The following THADA variants were observed in gnomAD, a reference collection of about 807,000 sequenced individuals.
THADA encodes THADA armadillo repeat containing, also known as tRNA (32-2'-O)-methyltransferase regulator THADA.
A neutral mutation model predicts 219.8 loss-of-function variants in THADA; 213 were observed. The ratio of observed to expected loss-of-function variants is 0.97; its 90% CI spans 0.87 to 1.09. The LOEUF (loss-of-function observed/expected upper bound fraction) is 1.09. Among genes scored for constraint, THADA ranks in the 50% least tolerant of loss-of-function variants. The pLI is 0.00. For missense variants in THADA, 2,956 were observed against 2,311.3 expected (o/e 1.28, Z -5.72); for synonymous variants, 1,018 against 828.9 (o/e 1.23, Z -3.92).
chr2:43,238,814 G>C (rs1407893553), intron 36 of THADA, among the ~76,000 whole-genome samples: 1 of 152,186 alleles, frequency 6.6e-6, no homozygotes, highest in East Asian at 1.9e-4. Flanking sequence ...AGGTCTAGGT[G>C]GGAAGGTAAG....
intron 26 of THADA, among the ~76,000 whole-genome samples, chr2:43,478,007 C>T (rs939290010): frequency 1.3e-5 from 2 of 152,188 alleles, no homozygotes; most frequent in African/African-American, 4.8e-5. Context: ...GCCTCATCCT[C>T]CTCTGACCTC....
chr2:43,586,917 C>A lies in THADA; in HGVS notation c.388G>T (p.Asp130Tyr). The change falls in exon 5 of 38, where the codon GAC becomes TAC. Residue 130 changes from aspartate to tyrosine, a missense_variant. Coordinates refer to ENST00000405975, the MANE Select transcript of THADA (RefSeq NM_022065.5). ...GTAACTTTCCTGTAAGAGTATAAGT[C>A]AGTAGTATTCAATTCTTCCTGAAGA... The part of the protein sequence containing the change: ...SRLQEELNTT[D>Y]LYSYRKVTDN... 6.2e-7 allele frequency: 1 copy of A among 1,613,734 alleles called. No homozygotes were observed.
chr2:43,491,512 T>C (rs556845302), intron 25 of THADA, among the ~76,000 whole-genome samples: 21 of 152,346 alleles, frequency 1.4e-4, no homozygotes, highest in African/African-American at 4.8e-4. Context: ...TATGTAATGA[T>C]AGTCCCATAC....
chr2:43,253,212 A>G (rs1669979167), intron 36 of THADA, among the ~76,000 whole-genome samples: 1 of 152,170 alleles, frequency 6.6e-6, no homozygotes, highest in South Asian at 2.1e-4. Context: ...AGAGAAGGAG[A>G]ACCTGAAGAC....
At chr2:43,343,313 G>C (rs1667257739) in intron 30 of THADA, 1 of 152,280 alleles carries the variant, frequency 6.6e-6, no homozygotes, top group Non-Finnish European at 1.5e-5. Context: ...TGGGATTACA[G>C]ACATGAACCA....
chr2:43,589,938 T>C (rs1276726846), intron 4 of THADA, among the ~76,000 whole-genome samples: 1 of 152,162 alleles, frequency 6.6e-6, no homozygotes, highest in Non-Finnish European at 1.5e-5. Context: ...TGGAAATATC[T>C]CTAAGACATT....
intron 31 of THADA, among the ~76,000 whole-genome samples, chr2:43,318,385 T>A (rs1678314046): frequency 6.6e-6 from 1 of 152,144 alleles, no homozygotes; most frequent in Admixed American, 6.6e-5. Context: ...TAAAATTAAT[T>A]TTGATAATAC....
chr2:43,592,505 G>T, intron 1 of THADA, 89 bp from the exon 2 acceptor site: 2 of 734,248 alleles, frequency 2.7e-6, no homozygotes, highest in South Asian at 3.5e-5. Flanking sequence ...TTGTTGAACA[G>T]TATCATCCTA....
chr2:43,474,180 A>C (rs1685241339), intron 26 of THADA, among the ~76,000 whole-genome samples: 2 of 152,252 alleles, frequency 1.3e-5, no homozygotes, highest in Non-Finnish European at 2.9e-5. Context: ...TCATATGGAT[A>C]GAGCAAAAGA....
At chr2:43,543,982 T>C (rs1235960452) in intron 20 of THADA, among the ~76,000 whole-genome samples, 1 of 152,186 alleles carries the variant, frequency 6.6e-6, no homozygotes, top group Non-Finnish European at 1.5e-5. Flanking sequence ...CTAGGTTTTC[T>C]TCTAGGGTTT....
intron 28 of THADA, among the ~76,000 whole-genome samples, chr2:43,424,778 G>A (rs576021244): frequency 2.1e-4 from 32 of 152,244 alleles, no homozygotes; most frequent in African/African-American, 7.7e-4. Context: ...ACCACAGAAG[G>A]TGGCCAAGAA....
At chr2:43,547,512 A>G (rs1412912881) in intron 20 of THADA, among the ~76,000 whole-genome samples, 4 of 152,130 alleles carry the variant, frequency 2.6e-5, no homozygotes, top group African/African-American at 4.8e-5. Flanking sequence ...CCAATCAGAC[A>G]TAGATTTGGT....
At chr2:43,383,648 A>G (rs1391925640) in intron 29 of THADA, among the ~76,000 whole-genome samples, 1 of 152,210 alleles carries the variant, frequency 6.6e-6, no homozygotes, top group Non-Finnish European at 1.5e-5. Flanking sequence ...GCAGATTCTA[A>G]TTCAAGAGGG....
chr2:43,358,747 G>C (rs895933220), intron 29 of THADA, among the ~76,000 whole-genome samples: 1 of 152,138 alleles, frequency 6.6e-6, no homozygotes, highest in African/African-American at 2.4e-5. Flanking sequence ...AAACCTGAGT[G>C]GGCCTGAGAC....
chr2:43,506,458 G>T (rs190480983), intron 23 of THADA, among the ~76,000 whole-genome samples: 20 of 152,250 alleles, frequency 1.3e-4, no homozygotes, highest in Middle Eastern at 3.4e-3. Flanking sequence ...TACGATAAGT[G>T]AAAGAAGCCA....
At chr2:43,533,032 A>G (rs1694089247) in intron 21 of THADA, among the ~76,000 whole-genome samples, 3 of 152,172 alleles carry the variant, frequency 2.0e-5, no homozygotes. Flanking sequence ...GGAACATAAA[A>G]AAATTTACAA....
At chr2:43,339,767 G>A (rs537993305) in intron 30 of THADA, among the ~76,000 whole-genome samples, 7 of 152,096 alleles carry the variant, frequency 4.6e-5, no homozygotes, top group African/African-American at 7.2e-5. Context: ...GTAAATAAGC[G>A]ATCTAGCTGG....
intron 35 of THADA, among the ~76,000 whole-genome samples, 192 bp from the exon 36 acceptor site, chr2:43,280,088 T>A (rs954578916): frequency 6.6e-6 from 1 of 152,204 alleles, no homozygotes; most frequent in Admixed American, 6.5e-5. Context: ...GGAGCAGATT[T>A]GGAAATGCCT....
intron 8 of THADA, among the ~76,000 whole-genome samples, chr2:43,580,100 C>G (rs371042808): frequency 3.4e-5 from 5 of 147,186 alleles, no homozygotes; most frequent in Middle Eastern, 3.6e-3. Context: ...TCTTGGCTCA[C>G]TGCAACCTCT....
Sources: gnomAD v4.1 joint callset for allele counts (sites outside exome capture counted in the v4.1 genomes callset) on GRCh38, gnomAD v4.1.1 for gene constraint, MANE v1.5 for transcripts, NCBI Gene and HGNC (gene_info 2026-07-23, HGNC 2026-07-21) for gene names.